The following WAC variants were observed in gnomAD, a reference collection of about 807,000 sequenced individuals.
WAC encodes the protein WW domain-containing adapter protein with coiled-coil.
In WAC, 11 loss-of-function variants were observed where a neutral mutation model predicts 79.6. The observed-to-expected ratio is 0.14, with a 90% CI of 0.09 to 0.23. WAC has a LOEUF of 0.23. Among genes scored for constraint, WAC ranks in the 10% least tolerant of loss-of-function variants. The pLI, the probability that WAC is intolerant of heterozygous loss-of-function variation, is 1.00. For missense variants in WAC, 728 were observed against 773.5 expected, an observed-to-expected ratio of 0.94 and a Z score of 0.70; for synonymous variants, 304 against 276.9, an observed-to-expected ratio of 1.10 and a Z score of -0.97.
At chr10:28,545,946 C>T (rs1837329378) in intron 3 of WAC, among the ~76,000 whole-genome samples, 1 of 152,202 alleles carries the variant, frequency 6.6e-6, no homozygotes, top group South Asian at 2.1e-4. Context: ...TAGCTTTTAT[C>T]TCAGTTGGAA....
chr10:28,538,167 A>T (rs116949776), intron 3 of WAC: 1,737 of 159,438 alleles, frequency 0.011, 17 homozygotes, highest in Non-Finnish European at 0.017. Flanking sequence ...ATATTTAGTC[A>T]TTATAATTTG....
chr10:28,619,622 C>A lies in WAC; in HGVS notation c.*16C>A, dbSNP rs768797603. 18 of 1,561,064 alleles carry A rather than the reference C, an allele frequency of 1.2e-5. No individual in the cohort carries two copies. The South Asian group carries it at 1.8e-4, about 16-fold the overall frequency. On this transcript the variant is annotated 3_prime_UTR_variant, in exon 14 of 14. Transcript: ENST00000354911. ...CATGGTGTGAAGATGTGAATAATTG[C>A]ACATGGTTTTGAGAACAGGAACTGT...
intron 3 of WAC, among the ~76,000 whole-genome samples, chr10:28,578,812 T>C (rs1192488607): frequency 3.9e-5 from 6 of 152,184 alleles, no homozygotes; most frequent in African/African-American, 1.4e-4. Context: ...TCAAAAATAC[T>C]GAAGATTTTG....
chr10:28,619,413 T>G (rs332179), intron 13 of WAC, 124 bp from the exon 14 acceptor site: 1 of 691,272 alleles, frequency 1.4e-6, no homozygotes, highest in Non-Finnish European at 2.3e-6. Flanking sequence ...AATAATTTTT[T>G]AAATTTCTTT....
chr10:28,571,077 C>T (rs1207435529), intron 3 of WAC, among the ~76,000 whole-genome samples: 1 of 147,040 alleles, frequency 6.8e-6, no homozygotes, highest in African/African-American at 2.5e-5. Context: ...CTGCCTTGGC[C>T]TCTTCGAGTA....
At chr10:28,575,445 G>C (rs1173906957) in intron 3 of WAC, among the ~76,000 whole-genome samples, 1 of 152,172 alleles carries the variant, frequency 6.6e-6, no homozygotes, top group African/African-American at 2.4e-5. Context: ...TTTCACATTA[G>C]CAGTTTGTAT....
chr10:28,553,030 GC>G (rs1279015580), intron 3 of WAC, among the ~76,000 whole-genome samples: 15 of 151,934 alleles, frequency 9.9e-5, no homozygotes, highest in Admixed American at 3.9e-4. Context: ...AACTTTCCCT[GC>G]CCGAGGTAGT....
At position 28,616,261 on chromosome 10, in the gene WAC, G is replaced by T. The variant is rs2132862659; in HGVS notation, c.1645G>T (p.Ala549Ser). 1 of 1,613,938 alleles carries T rather than the reference G, an allele frequency of 6.2e-7. No homozygotes were observed. Among genetic ancestry groups the T allele is most frequent in the Non-Finnish European group, 8.5e-7 (1 of 1,179,916 alleles). ...AACAGTTGTACCACAGAATTCTTCTGCCCGATCCACGTGTTCATTAACGCC... is the reference window on the plus strand; with the variant it reads ...AACAGTTGTACCACAGAATTCTTCTTCCCGATCCACGTGTTCATTAACGCC... ...NATVVPQNSS[A>S]RSTCSLTPAL... The change falls in exon 12 of 14, where the codon GCC (alanine) becomes TCC (serine). Residue 549 changes from alanine to serine, a missense_variant. Physicochemically the swap from Ala to Ser is moderately conservative, Grantham distance 99 (BLOSUM62 1). Around this residue, in one of 3 missense-constraint regions of WAC, gnomAD observed 648 missense variants for 661.5 expected, o/e 0.98. Transcript: ENST00000354911.
intron 3 of WAC, among the ~76,000 whole-genome samples, chr10:28,567,643 A>G (rs1372421053): frequency 1.3e-5 from 2 of 152,200 alleles, no homozygotes; most frequent in East Asian, 1.9e-4. Flanking sequence ...ATTGGTACAG[A>G]TGACCCTTCT....
chr10:28,617,684 A>C lies in WAC; in HGVS notation c.1774A>C (p.Asn592His). The C allele has an allele frequency of 6.3e-7, 1 of 1,586,814 alleles. No individual in the cohort carries two copies. The highest frequency in any genetic ancestry group is 8.5e-7 in the Non-Finnish European group (1 of 1,171,762). Residue 592 changes from asparagine (N) to histidine (H), a missense_variant, in exon 13 of 14, where the codon AAC becomes CAC. Around this residue, in one of 3 missense-constraint regions of WAC, gnomAD observed 66 missense variants for 78.9 expected, o/e 0.84. Coordinates refer to ENST00000354911, the MANE Select transcript of WAC (RefSeq NM_016628.5). ...ATCAAGATTACGCGAAGAAGCGCAT[A>C]ACATGGGAACTATTCACATGTCCGA... ...QASRLREEAH[N>H]MGTIHMSEIC...
chr10:28,577,355 A>G (rs1470519898), intron 3 of WAC, among the ~76,000 whole-genome samples: 1 of 152,102 alleles, frequency 6.6e-6, no homozygotes, highest in African/African-American at 2.4e-5. Context: ...TCTTGAAAGT[A>G]ATTGATTTCC....
intron 10 of WAC, among the ~76,000 whole-genome samples, chr10:28,612,176 T>A (rs1380225346): frequency 6.6e-6 from 1 of 151,900 alleles, no homozygotes; most frequent in Non-Finnish European, 1.5e-5. Flanking sequence ...ACATGGAGAG[T>A]GAGATAAAGA....
rs145644004 is a variant in WAC, at chr10:28,571,171, C to T, written c.275-12228C>T. On this transcript the variant is annotated intron_variant, in intron 3 of 13. Transcript: ENST00000354911. ...TCTTGAACTCCTGACCTCACGTGAT[C>T]CACCCACCTTGGCCTCCCAGAGTGC... Among the ~76,000 whole-genome samples, 687 of 151,960 alleles carry T rather than the reference C, an allele frequency of 4.5e-3. 3 individuals are homozygous for T. The highest frequency in any genetic ancestry group is 0.016 in the African/African-American group (668 of 41,452).
In WAC at chr10:28,603,972, T is replaced by A. The variant is rs2023284; in HGVS notation, c.920-4214T>A. Among the ~76,000 whole-genome samples the A allele has an allele frequency of 6.9e-3, 143 of 20,752 alleles. 23 individuals are homozygous for A. The highest frequency in any genetic ancestry group is 0.022 in the African/African-American group (136 of 6,292). The allele number at this position is 20,752 out of a possible 152,430, so 13.6% of individuals were successfully genotyped here. On this transcript the variant is annotated intron_variant, in intron 7 of 13. Coordinates refer to ENST00000354911, the MANE Select transcript of WAC (RefSeq NM_016628.5). ...ATATATGTATGTATGTATATATATATATATATATATATATATGTATATATA... is the reference window on the plus strand; with the variant it reads ...ATATATGTATGTATGTATATATATAAATATATATATATATATGTATATATA...
chr10:28,589,685 T>C, intron 4 of WAC, 51 bp from the exon 5 acceptor site: 1 of 1,209,434 alleles, frequency 8.3e-7, no homozygotes, highest in Non-Finnish European at 1.2e-6. Flanking sequence ...TGATATTTCA[T>C]GTGATTAAAT....
intron 9 of WAC, 140 bp from the exon 10 acceptor site, chr10:28,611,633 TC>T (rs1841241177): frequency 7.9e-7 from 1 of 1,260,200 alleles, no homozygotes; most frequent in African/African-American, 1.5e-5. Context: ...TCTGATTTAT[TC>T]CAATAAGTGT....
chr10:28,582,189 C>G (rs1215448406), intron 3 of WAC, among the ~76,000 whole-genome samples: 2 of 152,210 alleles, frequency 1.3e-5, no homozygotes, highest in East Asian at 3.9e-4. Flanking sequence ...CTGTCATACT[C>G]TTACTTCGTC....
intron 3 of WAC, among the ~76,000 whole-genome samples, chr10:28,581,791 A>G (rs1215829457): frequency 2.6e-5 from 4 of 151,988 alleles, no homozygotes; most frequent in Non-Finnish European, 4.4e-5. Flanking sequence ...GAACTCCTGG[A>G]CCTCGGGTGA....
In WAC at chr10:28,547,659, A is replaced by G. The variant is rs1279944972; in HGVS notation, c.274+11902A>G. Among the ~76,000 whole-genome samples, 4 of 151,884 alleles carry G rather than the reference A, an allele frequency of 2.6e-5. No individual in the cohort carries two copies. In the East Asian group the frequency reaches 7.7e-4, roughly 29 times the overall value. ...TATCTTTTGGCTATATTAAAAAATC[A>G]TTTATCCTTTAATTTTTTTTTCCCT... is the stretch of plus-strand genomic sequence containing the variant. On this transcript the variant is annotated intron_variant, in intron 3 of 13. Coordinates refer to ENST00000354911, the MANE Select transcript of WAC (RefSeq NM_016628.5).
Sources: gnomAD v4.1 joint callset for allele counts (sites outside exome capture counted in the v4.1 genomes callset) on GRCh38, gnomAD v4.1.1 for gene constraint, gnomAD v4.1.1 regional missense constraint, MANE v1.5 for transcripts, NCBI Gene and HGNC (gene_info 2026-07-23, HGNC 2026-07-21) for gene names.